The following BMP2K variants were observed in gnomAD, a reference collection of about 807,000 sequenced individuals.
BMP2K encodes BMP2 inducible kinase.
A neutral mutation model predicts 116.0 loss-of-function variants in BMP2K; 74 were observed. The ratio of observed to expected loss-of-function variants is 0.64; its 90% CI spans 0.53 to 0.77. BMP2K has a LOEUF of 0.77. Among genes scored for constraint, BMP2K ranks in the 30% least tolerant of loss-of-function variants. BMP2K has a pLI of 0.00. For synonymous variants in BMP2K, 486 were observed against 502.5 expected, an observed-to-expected ratio of 0.97 and a Z score of 0.44; for missense variants, 1,365 against 1,403.6, an observed-to-expected ratio of 0.97 and a Z score of 0.44.
At position 78,875,206 on chromosome 4, in the gene BMP2K, G is replaced by C. The variant is rs115119681; in HGVS notation, c.1793+2408G>C. On this transcript the variant is annotated intron_variant, in intron 13 of 15. Transcript: ENST00000502613. ...TATCTTCTGTAACAATTTAAAAAGA[G>C]CTCTAAACTAATGTTCCTGCTTATG... Among the ~76,000 whole-genome samples the C allele has an allele frequency of 4.5e-3, 682 of 152,202 alleles. 2 individuals are homozygous for C. Among genetic ancestry groups the C allele is most frequent in the African/African-American group, 0.016 (645 of 41,526 alleles).
rs368925933 is a variant in BMP2K, at chr4:78,910,908, C to G, written c.2361C>G (p.Leu787=). 2 of 1,613,892 alleles carry G rather than the reference C, an allele frequency of 1.2e-6. No homozygotes were observed. Among genetic ancestry groups the G allele is most frequent in the Non-Finnish European group, 1.7e-6 (2 of 1,179,840 alleles). The part of the protein sequence containing the change: ...TEPENLGHRP[L]LMDSEDEEEE... ...CAGAAAATCTGGGTCATAGGCCTCTCCTCATGGATTCTGAAGATGAGGAAG... is the reference window on the plus strand; with the variant it reads ...CAGAAAATCTGGGTCATAGGCCTCTGCTCATGGATTCTGAAGATGAGGAAG... The change falls in exon 16 of 16, where the codon CTC becomes CTG. Residue 787 remains leucine, a synonymous_variant. Coordinates refer to ENST00000502613, the MANE Select transcript of BMP2K (RefSeq NM_198892.2).
chr4:78,838,935 T>G (rs1351174844), intron 3 of BMP2K, among the ~76,000 whole-genome samples: 1 of 152,220 alleles, frequency 6.6e-6, no homozygotes, highest in Non-Finnish European at 1.5e-5. Context: ...AAATCAGTAT[T>G]GGTATTTTGA....
At chr4:78,894,531 G>A (rs978836482) in intron 15 of BMP2K, among the ~76,000 whole-genome samples, 2 of 152,196 alleles carry the variant, frequency 1.3e-5, no homozygotes, top group Admixed American at 6.5e-5. Context: ...GCCTTCATAG[G>A]ATTGAAGAGA....
intron 1 of BMP2K, among the ~76,000 whole-genome samples, chr4:78,796,633 A>G (rs1217866495): frequency 2.0e-5 from 3 of 152,188 alleles, no homozygotes; most frequent in Non-Finnish European, 4.4e-5. Context: ...AGGAGTCCCA[A>G]AGAGAGGTTG....
At chr4:78,810,156 A>C (rs1304976772) in intron 1 of BMP2K, among the ~76,000 whole-genome samples, 1 of 152,230 alleles carries the variant, frequency 6.6e-6, no homozygotes, top group African/African-American at 2.4e-5. Flanking sequence ...ACCTGGGACT[A>C]ATAAGTCTTC....
chr4:78,879,607 AT>A (rs1732800266), intron 14 of BMP2K: 1 of 205,860 alleles, frequency 4.9e-6, no homozygotes, highest in African/African-American at 2.4e-5. Flanking sequence ...TATGTAGATA[AT>A]TTTCAGGTTT....
chr4:78,842,667 A>T (rs1730816764), intron 4 of BMP2K, 140 bp downstream of exon 4: 1 of 703,216 alleles, frequency 1.4e-6, no homozygotes, highest in Non-Finnish European at 2.1e-6. Flanking sequence ...AGGTCATGTA[A>T]AGAATGACTG....
chr4:78,860,255 T>G (rs919386787), intron 8 of BMP2K, among the ~76,000 whole-genome samples: 2 of 151,776 alleles, frequency 1.3e-5, no homozygotes, highest in Non-Finnish European at 3.0e-5. Flanking sequence ...TGGGTGATGG[T>G]CATACTAAAA....
chr4:78,834,346 C>A (rs753937345), intron 3 of BMP2K, among the ~76,000 whole-genome samples: 6 of 151,368 alleles, frequency 4.0e-5, no homozygotes. Flanking sequence ...ACTACCAGCT[C>A]GGCCTCCCGG....
intron 14 of BMP2K, among the ~76,000 whole-genome samples, chr4:78,884,785 C>T (rs1733003629): frequency 6.6e-6 from 1 of 152,314 alleles, no homozygotes; most frequent in South Asian, 2.1e-4. Context: ...CATGTAATCT[C>T]TATGACTCAG....
intron 12 of BMP2K, 125 bp from the exon 13 acceptor site, chr4:78,872,489 T>A (rs897177015): frequency 1.2e-6 from 1 of 810,668 alleles, no homozygotes; most frequent in African/African-American, 1.7e-5. Context: ...CTTCTGTAGA[T>A]GATTGTTTTT....
chr4:78,828,881 G>A (rs1730011623), intron 2 of BMP2K, among the ~76,000 whole-genome samples: 1 of 152,198 alleles, frequency 6.6e-6, no homozygotes, highest in African/African-American at 2.4e-5. Flanking sequence ...ACTGATCAGG[G>A]TAGTGGTTGC....
At chr4:78,846,613 A>T (rs1329279255) in intron 5 of BMP2K, among the ~76,000 whole-genome samples, 2 of 151,582 alleles carry the variant, frequency 1.3e-5, no homozygotes, top group Non-Finnish European at 3.0e-5. Context: ...TTTTGATTCC[A>T]AATAGCTTAT....
At chr4:78,900,361 C>T (rs1229468767) in intron 15 of BMP2K, among the ~76,000 whole-genome samples, 2 of 152,042 alleles carry the variant, frequency 1.3e-5, no homozygotes, top group East Asian at 1.9e-4. Flanking sequence ...TTGACTGTGT[C>T]GGAGGTTGAT....
At chr4:78,836,108 G>T (rs951281046) in intron 3 of BMP2K, among the ~76,000 whole-genome samples, 1 of 151,454 alleles carries the variant, frequency 6.6e-6, no homozygotes, top group Non-Finnish European at 1.5e-5. Flanking sequence ...TTTTAGTCCC[G>T]CATTTTCCAA....
In BMP2K at chr4:78,784,189, G is replaced by C. The variant is rs1050318827; in HGVS notation, c.178+7468G>C. Reference sequence around the variant, plus strand: ...CCCTCCTATTTTTTTGTCAGAACTTGAAGTAGTTTCATATACATCCAATAG... The same window carrying C: ...CCCTCCTATTTTTTTGTCAGAACTTCAAGTAGTTTCATATACATCCAATAG... On this transcript the variant is annotated intron_variant, in intron 1 of 15. Coordinates refer to ENST00000502613, the MANE Select transcript of BMP2K (RefSeq NM_198892.2). Among the ~76,000 whole-genome samples, 4 of 152,256 alleles carry C rather than the reference G, an allele frequency of 2.6e-5. No homozygotes were observed. The East Asian group carries it at 7.7e-4, about 29-fold the overall frequency.
chr4:78,878,347 AAC>A (rs1364805148), intron 13 of BMP2K, among the ~76,000 whole-genome samples: 2 of 152,194 alleles, frequency 1.3e-5, no homozygotes, highest in Admixed American at 6.5e-5. Flanking sequence ...CTATGATAAT[AAC>A]AGTTAATATT....
chr4:78,882,814 C>T (rs1732926468), intron 14 of BMP2K, among the ~76,000 whole-genome samples: 1 of 151,862 alleles, frequency 6.6e-6, no homozygotes, highest in African/African-American at 2.4e-5. Flanking sequence ...GTTGTTTCAC[C>T]TATGAAGCCA....
rs551931044 is a variant in BMP2K, at chr4:78,795,923, A to G, written c.178+19202A>G. Among the ~76,000 whole-genome samples the G allele has an allele frequency of 5.3e-5, 8 of 151,656 alleles. 1 individual carries two copies. The South Asian group carries it at 1.7e-3, about 32-fold the overall frequency. ...CTGGAGAGGATGTGGAGAAATAGGA[A>G]CACTTTGACACTGTTGGTGGGACTG... On this transcript the variant is annotated intron_variant, in intron 1 of 15. Coordinates refer to ENST00000502613, the MANE Select transcript of BMP2K (RefSeq NM_198892.2).
Sources: allele counts gnomAD v4.1 joint callset (sites outside exome capture counted in the v4.1 genomes callset), GRCh38; gene constraint gnomAD v4.1.1; transcripts MANE v1.5; gene names NCBI Gene and HGNC (gene_info 2026-07-23, HGNC 2026-07-21).